PRCP: variants seen among roughly 807,000 people sequenced by gnomAD.
PRCP encodes prolylcarboxypeptidase, also known as lysosomal Pro-X carboxypeptidase.
PRCP carries 46 observed loss-of-function variants against 54.2 expected under a neutral mutation model. That is an observed-to-expected ratio of 0.85 (90% CI 0.67 to 1.09). The LOEUF (loss-of-function observed/expected upper bound fraction) is 1.09. PRCP is among the 50% of genes least tolerant of loss of function. The pLI, the probability that PRCP is intolerant of heterozygous loss-of-function variation, is 0.00. For synonymous variants in PRCP, 240 were observed against 212.2 expected (o/e 1.13, Z -1.14); for missense variants, 613 against 596.8 (o/e 1.03, Z -0.28).
chr11:82,855,408 G>C (rs547615124), intron 2 of PRCP, among the ~76,000 whole-genome samples: 23 of 152,096 alleles, frequency 1.5e-4, no homozygotes, highest in African/African-American at 5.5e-4. Flanking sequence ...CACAAGGTCA[G>C]GAGATCGAGA....
chr11:82,892,409 G>C (rs1167831796), intron 1 of PRCP, among the ~76,000 whole-genome samples: 1 of 151,882 alleles, frequency 6.6e-6, no homozygotes, highest in Non-Finnish European at 1.5e-5. Context: ...TTTTAAAATT[G>C]TGAACCAGAA....
At chr11:82,901,220 C>T (rs1372048144), upstream of PRCP, among the ~76,000 whole-genome samples, 1 of 152,182 alleles carries the variant, frequency 6.6e-6, no homozygotes, top group Admixed American at 6.5e-5. Context: ...ACACAGGTCG[C>T]CCCGGGTCCA....
intron 5 of PRCP, 152 bp from the exon 6 acceptor site, chr11:82,849,370 CA>C: frequency 1.2e-6 from 1 of 839,346 alleles, no homozygotes. Context: ...AATCCCATGA[CA>C]GACAAGTTGC....
At chr11:82,864,958 C>G (rs965799827) in intron 1 of PRCP, among the ~76,000 whole-genome samples, 1 of 151,494 alleles carries the variant, frequency 6.6e-6, no homozygotes, top group African/African-American at 2.4e-5. Flanking sequence ...TTGATGGCAA[C>G]TTGGGGACAG....
chr11:82,859,934 A>T, intron 2 of PRCP, 43 bp downstream of exon 2: 1 of 1,513,854 alleles, frequency 6.6e-7, no homozygotes. Context: ...TTATCATAAT[A>T]AAAGTCAAAT....
intron 3 of PRCP, among the ~76,000 whole-genome samples, chr11:82,852,062 C>CTATAAATGATCTTT (rs1858972259): frequency 6.6e-6 from 1 of 152,164 alleles, no homozygotes; most frequent in Non-Finnish European, 1.5e-5. Flanking sequence ...ATTTTGCTAA[C>CTATAAATGATCTTT]ACAGTATCAT....
intron 8 of PRCP, among the ~76,000 whole-genome samples, chr11:82,835,358 T>C (rs1858495563): frequency 6.6e-6 from 1 of 152,186 alleles, no homozygotes; most frequent in African/African-American, 2.4e-5. Context: ...TAAAAGCTTT[T>C]GGCTATGTAC....
chr11:82,868,923 C>T (rs912027617), intron 1 of PRCP, among the ~76,000 whole-genome samples: 2 of 152,132 alleles, frequency 1.3e-5, no homozygotes, highest in African/African-American at 2.4e-5. Context: ...ATAATCTCAG[C>T]TACTTGGGAG....
chr11:82,895,343 G>A (rs7118894), intron 1 of PRCP, among the ~76,000 whole-genome samples: 83,253 of 151,880 alleles, frequency 0.55, 23,654 homozygotes, highest in African/African-American at 0.7. Flanking sequence ...GTTGTTTTTT[G>A]TTTTTTGTAG....
chr11:82,874,690 C>CAAAAAAA (rs36084037), intron 1 of PRCP, among the ~76,000 whole-genome samples: 1 of 68,820 alleles, frequency 1.5e-5, no homozygotes, highest in Non-Finnish European at 3.4e-5. Flanking sequence ...GACCCTGTCT[C>CAAAAAAA]AAAAAAAAAA....
intron 1 of PRCP, among the ~76,000 whole-genome samples, chr11:82,891,380 G>C (rs538546661): frequency 6.6e-6 from 1 of 151,992 alleles, no homozygotes; most frequent in Non-Finnish European, 1.5e-5. Flanking sequence ...GCAACAACCT[G>C]GTCTTTCTGT....
At chr11:82,840,627 A>G (rs1367228600) in intron 6 of PRCP, 1 of 152,152 alleles carries the variant, frequency 6.6e-6, no homozygotes, top group Non-Finnish European at 1.5e-5. Flanking sequence ...CAAACTTTTC[A>G]TAATAAAATG....
Position 82,897,671 on chromosome 11 carries a change from A to C in PRCP, c.168+2564T>G, listed in dbSNP as rs575655514. ...CTAAAAGTGGGAGCTGGGATGGGGA[A>C]TTATGGCAGAATATAAAGTTGGAAC... On this transcript the variant is annotated intron_variant, in intron 1 of 8. Coordinates refer to ENST00000313010, the MANE Select transcript of PRCP (RefSeq NM_005040.4). Among the ~76,000 whole-genome samples the C allele has an allele frequency of 4.1e-4, 63 of 152,336 alleles. 1 individual carries two copies. Among genetic ancestry groups the C allele is most frequent in the African/African-American group, 1.4e-3 (60 of 41,584 alleles).
At chr11:82,885,439 C>T (rs900164758) in intron 1 of PRCP, among the ~76,000 whole-genome samples, 1 of 152,188 alleles carries the variant, frequency 6.6e-6, no homozygotes, top group Non-Finnish European at 1.5e-5. Context: ...CAGAATAATA[C>T]AACTACAATC....
rs556788289 is a variant in PRCP, at chr11:82,823,292, C to T, written c.*1614G>A. On this transcript the variant is annotated 3_prime_UTR_variant, in exon 9 of 9. Transcript: ENST00000313010. ...TCCTCTATTGAGCCCATAAACCCTG[C>T]ATTATTTAATTTCTTAGTTGACAAA... Among the ~76,000 whole-genome samples, 3 of 152,282 alleles carry T rather than the reference C, an allele frequency of 2.0e-5. No individual in the cohort carries two copies. The East Asian group carries it at 5.8e-4, about 29-fold the overall frequency.
chr11:82,862,456 G>A (rs10898042), intron 1 of PRCP, among the ~76,000 whole-genome samples: 55,762 of 151,906 alleles, frequency 0.37, 10,713 homozygotes, highest in African/African-American at 0.47. Context: ...CCCAGTCTGG[G>A]TCAGACATAG....
In PRCP at chr11:82,825,262, T is replaced by A. The variant is rs527373686; in HGVS notation, c.1275-140A>T. 46 of 738,996 alleles carry A rather than the reference T, an allele frequency of 6.2e-5. No individual in the cohort carries two copies. In the African/African-American group the frequency reaches 6.4e-4, roughly 10 times the overall value. 45.8% of individuals were successfully genotyped at this position (738,996 alleles called of 1,614,324 possible). ...TGGGGGATTTGATCTGAGGATCTAATTTATCATATGGATAGATACTTCATA... is the reference window on the plus strand; with the variant it reads ...TGGGGGATTTGATCTGAGGATCTAAATTATCATATGGATAGATACTTCATA... On this transcript the variant is annotated intron_variant, in intron 8 of 8. Coordinates refer to ENST00000313010, the MANE Select transcript of PRCP (RefSeq NM_005040.4).
At chr11:82,844,365 G>A (rs1051936166) in intron 6 of PRCP, among the ~76,000 whole-genome samples, 6 of 152,152 alleles carry the variant, frequency 3.9e-5, no homozygotes, top group African/African-American at 1.4e-4. Context: ...CAAGGCTGCA[G>A]TGAGCTAAAA....
chr11:82,842,602 T>C (rs1858701587), intron 6 of PRCP, among the ~76,000 whole-genome samples: 1 of 152,200 alleles, frequency 6.6e-6, no homozygotes, highest in South Asian at 2.1e-4. Flanking sequence ...GCTAAATCTT[T>C]CTTATATTCT....
Sources: gnomAD v4.1 joint callset for allele counts (sites outside exome capture counted in the v4.1 genomes callset) on GRCh38, gnomAD v4.1.1 for gene constraint, MANE v1.5 for transcripts, NCBI Gene and HGNC (gene_info 2026-07-23, HGNC 2026-07-21) for gene names.